NRG3: variants seen among roughly 807,000 people sequenced by gnomAD.
NRG3 encodes the protein pro-neuregulin-3, membrane-bound isoform.
In NRG3, 31 loss-of-function variants were observed where a neutral mutation model predicts 66.9. The ratio of observed to expected loss-of-function variants is 0.46; its 90% confidence interval spans 0.35 to 0.63. The LOEUF is 0.63. Among genes scored for constraint, NRG3 ranks in the 20% least tolerant of loss-of-function variants. NRG3 has a pLI of 0.00. For missense variants in NRG3, 910 were observed against 878.9 expected (o/e 1.04, Z -0.45); for synonymous variants, 393 against 359.4 (o/e 1.09, Z -1.06).
chr10:82,726,379 A>G (rs2057599383), intron 2 of NRG3, among the ~76,000 whole-genome samples: 1 of 152,024 alleles, frequency 6.6e-6, no homozygotes, highest in Non-Finnish European at 1.5e-5. Flanking sequence ...TTCCCATGTC[A>G]TGGGAGGGAC....
At chr10:82,481,049 T>A (rs1842226088) in intron 2 of NRG3, among the ~76,000 whole-genome samples, 1 of 152,134 alleles carries the variant, frequency 6.6e-6, no homozygotes, top group Non-Finnish European at 1.5e-5. Context: ...TGTAAACCCT[T>A]TTCTCCTCCA....
At chr10:81,977,853 A>G (rs1459996304) in intron 1 of NRG3, among the ~76,000 whole-genome samples, 2 of 152,184 alleles carry the variant, frequency 1.3e-5, no homozygotes, top group Admixed American at 1.3e-4. Flanking sequence ...AAGCTGGAGG[A>G]CATCAAAGCA....
intron 2 of NRG3, among the ~76,000 whole-genome samples, chr10:82,453,590 A>G (rs1409487133): frequency 6.6e-6 from 1 of 152,098 alleles, no homozygotes; most frequent in African/African-American, 2.4e-5. Flanking sequence ...GAGAGAAACC[A>G]ATGTGCAAGG....
At chr10:82,800,039 G>A (rs188013014) in intron 3 of NRG3, among the ~76,000 whole-genome samples, 155 of 152,242 alleles carry the variant, frequency 1.0e-3, no homozygotes, top group Non-Finnish European at 1.7e-3. Context: ...CTTGACTTCA[G>A]TGTCTTTCTT....
chr10:82,671,375 G>A (rs2053259301), intron 2 of NRG3, among the ~76,000 whole-genome samples: 1 of 152,188 alleles, frequency 6.6e-6, no homozygotes, highest in Non-Finnish European at 1.5e-5. Context: ...GCTAAATATG[G>A]ATTAAGGTCA....
intron 1 of NRG3, among the ~76,000 whole-genome samples, chr10:82,130,541 TG>T (rs112765587): frequency 2.0e-5 from 3 of 152,166 alleles, no homozygotes; most frequent in African/African-American, 7.2e-5. Flanking sequence ...TTCATTTTTT[TG>T]GGGGGGTATA....
At chr10:82,283,075 C>A (rs995620624) in intron 1 of NRG3, among the ~76,000 whole-genome samples, 1 of 152,058 alleles carries the variant, frequency 6.6e-6, no homozygotes, top group Admixed American at 6.6e-5. Context: ...CTCTACAACA[C>A]GAGTTCTCCT....
chr10:82,378,896 C>A (rs1706429080), intron 2 of NRG3, among the ~76,000 whole-genome samples: 1 of 152,056 alleles, frequency 6.6e-6, no homozygotes, highest in African/African-American at 2.4e-5. Context: ...TCTTGCTTCT[C>A]TCCTTCTATG....
intron 3 of NRG3, among the ~76,000 whole-genome samples, chr10:82,747,817 T>A (rs936176635): frequency 1.3e-5 from 2 of 151,822 alleles, no homozygotes; most frequent in East Asian, 1.9e-4. Context: ...TTTTATGGAG[T>A]CAAATCTATT....
intron 4 of NRG3, among the ~76,000 whole-genome samples, chr10:82,927,806 G>A (rs548461908): frequency 1.9e-4 from 29 of 152,138 alleles, no homozygotes; most frequent in African/African-American, 3.6e-4. Context: ...ATAAACATAC[G>A]TGTGCGTGTG....
intron 1 of NRG3, among the ~76,000 whole-genome samples, chr10:82,293,582 T>A (rs1011765593): frequency 1.3e-5 from 2 of 152,194 alleles, no homozygotes; most frequent in Non-Finnish European, 2.9e-5. Flanking sequence ...CTTAGGCTAC[T>A]GAAATTCTAC....
chr10:82,758,391 G>A (rs1435793666), intron 3 of NRG3, among the ~76,000 whole-genome samples: 1 of 152,072 alleles, frequency 6.6e-6, no homozygotes, highest in Non-Finnish European at 1.5e-5. Flanking sequence ...GTATTTTTAT[G>A]AGTAATAAAG....
chr10:82,546,114 A>T (rs2043898349), intron 2 of NRG3, among the ~76,000 whole-genome samples: 2 of 152,192 alleles, frequency 1.3e-5, no homozygotes, highest in African/African-American at 2.4e-5. Flanking sequence ...TGGATTTTGC[A>T]TGGCCACCTT....
chr10:82,927,851 ATATACCCAG>A (rs1453451024), intron 4 of NRG3, among the ~76,000 whole-genome samples: 1 of 152,174 alleles, frequency 6.6e-6, no homozygotes, highest in Non-Finnish European at 1.5e-5. Context: ...TCCTTTGGCT[ATATACCCAG>A]TACTGGGATG....
chr10:82,881,708 G>A (rs886434328), intron 4 of NRG3, among the ~76,000 whole-genome samples: 1 of 152,122 alleles, frequency 6.6e-6, no homozygotes, highest in Non-Finnish European at 1.5e-5. Context: ...ATATATCTAT[G>A]TATTTATGTA....
rs2080597288 is a variant in NRG3 at position 82,304,527 on chromosome 10, TTCTC to T, written c.824-54208_824-54205del. Among the ~76,000 whole-genome samples, 3 of 152,214 alleles carry T rather than the reference TTCTC, an allele frequency of 2.0e-5. No individual in the cohort carries two copies. In the South Asian group the frequency reaches 6.2e-4, roughly 32 times the overall value. ...AATTTATTTCTTCTTTATTTTTCCT[TTCTC>T]TCTTTCTTTCTTTTAGAGTTTCTGG... On this transcript the variant is annotated intron_variant, in intron 1 of 8. Coordinates refer to ENST00000372141, the MANE Select transcript of NRG3 (RefSeq NM_001010848.4).
At chr10:82,332,568 A>G (rs144027898) in intron 1 of NRG3, among the ~76,000 whole-genome samples, 1 of 152,120 alleles carries the variant, frequency 6.6e-6, no homozygotes, top group Non-Finnish European at 1.5e-5. Flanking sequence ...ATAATGGGGG[A>G]TCCACCACCC....
rs11191850 is a variant in NRG3, at chr10:81,931,717, C to T, written c.823+55554C>T. 5.0e-3 allele frequency among the ~76,000 whole-genome samples: 768 copies of T among 152,322 alleles called. 1 individual carries two copies. Among genetic ancestry groups the T allele is most frequent in the Admixed American group, 0.012 (176 of 15,298 alleles). ...CAAAACACAATCAGATGAACCTCAT[C>T]GTTCCCCCTTTTCCCAATAGTACTT... On this transcript the variant is annotated intron_variant, in intron 1 of 8. Coordinates refer to ENST00000372141, the MANE Select transcript of NRG3 (RefSeq NM_001010848.4).
At chr10:82,163,935 T>A (rs1295795780) in intron 1 of NRG3, among the ~76,000 whole-genome samples, 1 of 151,568 alleles carries the variant, frequency 6.6e-6, no homozygotes. Flanking sequence ...TTTTTTTTTT[T>A]TTTGAGATGG....
Sources: allele counts gnomAD v4.1 joint callset (sites outside exome capture counted in the v4.1 genomes callset), GRCh38; gene constraint gnomAD v4.1.1; transcripts MANE v1.5; gene names NCBI Gene and HGNC (gene_info 2026-07-23, HGNC 2026-07-21).